Variants in HMGN3 observed in about 807,000 individuals in gnomAD.
HMGN3 encodes the protein high mobility group nucleosomal binding domain 3, also known as high mobility group nucleosome-binding domain-containing protein 3.
A neutral mutation model predicts 18.8 loss-of-function variants in HMGN3; 6 were observed. That is an observed-to-expected ratio of 0.32 (90% CI 0.18 to 0.63). HMGN3 has a LOEUF of 0.63. Ranked by LOEUF, HMGN3 falls within the 30% of genes least tolerant of loss-of-function variation. The pLI is 0.79. For missense variants in HMGN3, 107 were observed against 114.2 expected, an observed-to-expected ratio of 0.94 and a Z score of 0.29; for synonymous variants, 40 against 36.5, an observed-to-expected ratio of 1.10 and a Z score of -0.35.
Position 79,202,324 on chromosome 6 carries a change from T to C in HMGN3, c.213A>G (p.Gly71=), listed in dbSNP as rs754679665. ...TTTCAGATGGTGCAGTACCTTCCTT[T>C]CCAGCTTCCTGCTTTTCCTCCTTCT... The change falls in exon 5 of 6, where the codon GGA becomes GGG. Residue 71 remains glycine (G), a synonymous_variant. Coordinates refer to ENST00000344726, the Ensembl canonical transcript of HMGN3. 6 of 1,614,214 alleles carry C rather than the reference T, an allele frequency of 3.7e-6. No homozygotes were observed. The Admixed American group carries it at 5.0e-5, about 13-fold the overall frequency.
intron 1 of HMGN3, among the ~76,000 whole-genome samples, chr6:79,219,306 A>T (rs532747933): frequency 6.6e-6 from 1 of 152,212 alleles, no homozygotes; most frequent in Non-Finnish European, 1.5e-5. Flanking sequence ...GTACTATTCA[A>T]GGAGTTGAGG....
At chr6:79,217,484 T>C (rs145997618) in intron 1 of HMGN3, among the ~76,000 whole-genome samples, 3 of 152,172 alleles carry the variant, frequency 2.0e-5, no homozygotes, top group Non-Finnish European at 4.4e-5. Flanking sequence ...GGAGAAAGCA[T>C]TTCATAAACT....
intron 1 of HMGN3, among the ~76,000 whole-genome samples, chr6:79,226,630 C>CA (rs1777580191): frequency 6.6e-6 from 1 of 152,176 alleles, no homozygotes; most frequent in Non-Finnish European, 1.5e-5. Flanking sequence ...TACACCCAGG[C>CA]ATTCAGGAAA....
At chr6:79,220,071 A>C (rs9448665) in intron 1 of HMGN3, among the ~76,000 whole-genome samples, 1 of 152,222 alleles carries the variant, frequency 6.6e-6, no homozygotes, top group Non-Finnish European at 1.5e-5. Flanking sequence ...AGACAAAAAC[A>C]ATCATGAAAG....
intron 1 of HMGN3, among the ~76,000 whole-genome samples, chr6:79,224,424 AT>A (rs1163153905): frequency 2.0e-5 from 3 of 152,234 alleles, no homozygotes; most frequent in Non-Finnish European, 4.4e-5. Context: ...ATTCTCCATC[AT>A]TCATGAGCCT....
chr6:79,214,930 C>T, intron 2 of HMGN3, 42 bp downstream of exon 2: 1 of 1,045,698 alleles, frequency 9.6e-7, no homozygotes, highest in Non-Finnish European at 1.5e-6. Context: ...TTAAACATTT[C>T]AATGTAAATA....
chr6:79,210,560 G>A (rs548773045), intron 2 of HMGN3, among the ~76,000 whole-genome samples: 15 of 152,214 alleles, frequency 9.9e-5, no homozygotes, highest in African/African-American at 3.6e-4. Context: ...ATATGTAGCA[G>A]GGGCCCTCAA....
chr6:79,202,227 T>C, intron 5 of HMGN3, 49 bp downstream of exon 5: 1 of 1,613,208 alleles, frequency 6.2e-7, no homozygotes. Flanking sequence ...ATTGAGAAAT[T>C]TCTTTAAAGA....
intron 1 of HMGN3, among the ~76,000 whole-genome samples, chr6:79,221,727 GAGA>G (rs1777293355): frequency 6.6e-6 from 1 of 152,202 alleles, no homozygotes; most frequent in Non-Finnish European, 1.5e-5. Flanking sequence ...TGTTAGTGTG[GAGA>G]AGGACACTGA....
At chr6:79,220,708 A>G (rs1284496439) in intron 1 of HMGN3, among the ~76,000 whole-genome samples, 1 of 152,160 alleles carries the variant, frequency 6.6e-6, no homozygotes, top group Non-Finnish European at 1.5e-5. Context: ...TGGCCTCCCA[A>G]AGTGTTGAGA....
chr6:79,223,465 C>T lies in HMGN3; in HGVS notation c.16-8443G>A, dbSNP rs570588939. The stretch of plus-strand genomic sequence containing the variant: ...GGCAGAGGTTGCAGTGAGCCGAGAT[C>T]GCGCCACTGCATTCCAGCCTGGGTG... On this transcript the variant is annotated intron_variant, in intron 1 of 5. Transcript: ENST00000344726. Among the ~76,000 whole-genome samples the T allele has an allele frequency of 6.7e-4, 102 of 152,086 alleles. 1 individual carries two copies. The highest frequency in any genetic ancestry group is 9.8e-4 in the Admixed American group (15 of 15,272).
At chr6:79,201,990 A>G (rs1776159460) in intron 5 of HMGN3, 73 bp downstream of exon 6, 5 of 1,479,870 alleles carry the variant, frequency 3.4e-6, no homozygotes, top group African/African-American at 1.4e-5. Flanking sequence ...TAATGATTAA[A>G]AAAAAAAACC....
chr6:79,211,588 C>T (rs1776695172), intron 2 of HMGN3, among the ~76,000 whole-genome samples: 1 of 151,184 alleles, frequency 6.6e-6, no homozygotes, highest in South Asian at 2.1e-4. Flanking sequence ...TGCCAATATC[C>T]AATTATTTTA....
In HMGN3 at chr6:79,202,168, T is replaced by A; in HGVS notation, c.261+108A>T. ...GAGAGATGTGGATCTGCAATAACAT[T>A]ACAGGCAATAAAAAGAGACATTAAG... is the stretch of plus-strand genomic sequence containing the variant. On this transcript the variant is annotated intron_variant, in intron 5 of 5. Coordinates refer to ENST00000344726, the Ensembl canonical transcript of HMGN3. 1 of 1,598,556 alleles carries A rather than the reference T, an allele frequency of 6.3e-7. No individual in the cohort carries two copies. The highest frequency in any genetic ancestry group is 8.5e-7 in the Non-Finnish European group (1 of 1,176,496).
intron 2 of HMGN3, among the ~76,000 whole-genome samples, chr6:79,214,696 A>G (rs1397377456): frequency 6.6e-6 from 1 of 152,204 alleles, no homozygotes; most frequent in Non-Finnish European, 1.5e-5. Flanking sequence ...AATTCTCAGT[A>G]TCTGCTTTAA....
chr6:79,215,105 C>T, intron 1 of HMGN3, 83 bp from the exon 2 acceptor site: 1 of 823,352 alleles, frequency 1.2e-6, no homozygotes, highest in South Asian at 1.7e-5. Context: ...TATCTCATTC[C>T]CAGGACAAGA....
At chr6:79,210,539 C>T (rs1776634244) in intron 2 of HMGN3, among the ~76,000 whole-genome samples, 1 of 152,152 alleles carries the variant, frequency 6.6e-6, no homozygotes, top group South Asian at 2.1e-4. Context: ...TCTTATATTT[C>T]TATGGCTCCA....
chr6:79,212,204 C>T (rs764042657), intron 2 of HMGN3, among the ~76,000 whole-genome samples: 159 of 152,172 alleles, frequency 1.0e-3, no homozygotes, highest in Non-Finnish European at 1.9e-3. Flanking sequence ...ATAGGGATAG[C>T]GGATTTTGGA....
chr6:79,215,334 GC>G (rs1437192629), intron 1 of HMGN3, among the ~76,000 whole-genome samples: 1 of 152,202 alleles, frequency 6.6e-6, no homozygotes, highest in Non-Finnish European at 1.5e-5. Flanking sequence ...AAGAACAGGG[GC>G]CAGAGGTCAG....
Sources: gnomAD v4.1 joint callset for allele counts (sites outside exome capture counted in the v4.1 genomes callset) on GRCh38, gnomAD v4.1.1 for gene constraint, MANE v1.5 for transcripts, NCBI Gene and HGNC (gene_info 2026-07-23, HGNC 2026-07-21) for gene names.